The following KANK1 variants were observed in gnomAD, a reference collection of about 807,000 sequenced individuals.
KANK1 encodes KN motif and ankyrin repeat domains 1, also known as KN motif and ankyrin repeat domain-containing protein 1.
KANK1 carries 109 observed loss-of-function variants against 106.2 expected under a neutral mutation model. The observed-to-expected ratio is 1.03, with a 90% CI of 0.88 to 1.20. The LOEUF is 1.20. Ranked by LOEUF, KANK1 falls within the 50% of genes most tolerant of loss-of-function variation. The pLI, the probability that KANK1 is intolerant of heterozygous loss-of-function variation, is 0.00. For synonymous variants in KANK1, 873 were observed against 652.2 expected (o/e 1.34, Z -5.16); for missense variants, 2,399 against 1,710.7 (o/e 1.40, Z -7.10).
At chr9:608,027 TATTA>T (rs1829673136) in intron 1 of KANK1, among the ~76,000 whole-genome samples, 1 of 76,486 alleles carries the variant, frequency 1.3e-5, no homozygotes, top group African/African-American at 5.1e-5. Context: ...TTATTATTAT[TATTA>T]TTATTTTTTT....
intron 6 of KANK1, chr9:733,212 C>G (rs10815570): frequency 0.29 from 43,448 of 152,100 alleles, 7,018 homozygotes; most frequent in Non-Finnish European, 0.38. Flanking sequence ...TTTTCAAGAC[C>G]ATTAGATAAG....
At chr9:585,230 A>G (rs1823164915) in intron 1 of KANK1, among the ~76,000 whole-genome samples, 1 of 152,182 alleles carries the variant, frequency 6.6e-6, no homozygotes, top group Non-Finnish European at 1.5e-5. Context: ...TCTTCAGGTA[A>G]AACTCTAGCA....
At position 712,048 on chromosome 9, in the gene KANK1, G is replaced by A. The variant is rs779846063; in HGVS notation, c.1282G>A (p.Gly428Arg). 6.2e-5 allele frequency: 100 copies of A among 1,614,068 alleles called. No homozygotes were observed. In the East Asian group the frequency reaches 2.2e-3, roughly 35 times the overall value. Residue 428 changes from glycine to arginine, a missense_variant, in exon 3 of 12, where the codon GGG (glycine) becomes AGG (arginine). By Grantham distance (125) the Gly-to-Arg change is moderately radical. Transcript: ENST00000382297. Reference sequence around the variant, plus strand: ...CAGGTCCTGTAAGGATGCAGCTGTAGGGACACTTGTTGAGATGAGAAATTG... The same window carrying A: ...CAGGTCCTGTAAGGATGCAGCTGTAAGGACACTTGTTGAGATGAGAAATTG... ...GSRSCKDAAV[G>R]TLVEMRNCGV...
At chr9:584,987 G>C (rs1201365714) in intron 1 of KANK1, among the ~76,000 whole-genome samples, 1 of 152,114 alleles carries the variant, frequency 6.6e-6, no homozygotes, top group Non-Finnish European at 1.5e-5. Context: ...ACTGCCCTTA[G>C]GGGTCATGAG....
chr9:728,512 T>C (rs979756549), intron 3 of KANK1, among the ~76,000 whole-genome samples: 3 of 152,360 alleles, frequency 2.0e-5, no homozygotes, highest in Admixed American at 1.3e-4. Flanking sequence ...TCGATGTATA[T>C]TGAAATGGCC....
Position 625,044 on chromosome 9 carries a change from G to C in KANK1, c.-83-51846G>C, listed in dbSNP as rs557215093. On this transcript the variant is annotated intron_variant, in intron 1 of 11. Transcript: ENST00000382297. Reference sequence around the variant, plus strand: ...GAAATGGAAGATGAAATTGTGCCTTGTTCGATGCCCTGGGGTCTGAAAGGT... The same window carrying C: ...GAAATGGAAGATGAAATTGTGCCTTCTTCGATGCCCTGGGGTCTGAAAGGT... Among the ~76,000 whole-genome samples, 1,292 of 150,588 alleles carry C rather than the reference G, an allele frequency of 8.6e-3. 27 individuals are homozygous for C. Among genetic ancestry groups the C allele is most frequent in the African/African-American group, 0.03 (1,223 of 40,842 alleles).
At chr9:686,698 G>A (rs1479177151) in intron 2 of KANK1, 5 of 929,998 alleles carry the variant, frequency 5.4e-6, no homozygotes, top group African/African-American at 1.8e-5. Context: ...CAGTGTGAGG[G>A]GAAATGGCAG....
At chr9:599,619 AGCTGAC>A (rs1251966070) in intron 1 of KANK1, among the ~76,000 whole-genome samples, 1 of 151,902 alleles carries the variant, frequency 6.6e-6, no homozygotes, top group Admixed American at 6.5e-5. Flanking sequence ...TATGCTACGT[AGCTGAC>A]CCTTGAACAT....
intron 1 of KANK1, among the ~76,000 whole-genome samples, chr9:560,572 T>G (rs971826327): frequency 1.3e-5 from 2 of 152,216 alleles, no homozygotes; most frequent in Non-Finnish European, 2.9e-5. Flanking sequence ...CACATAAAGA[T>G]GCATTCACTT....
Position 568,820 on chromosome 9 carries a change from G to A in KANK1, c.-84+64066G>A, listed in dbSNP as rs537205821. ...TAAAAACATTATTTCCTTAGTATGTGTATGATTAGAAGCAAAATTACAGGT... is the reference window on the plus strand; with the variant it reads ...TAAAAACATTATTTCCTTAGTATGTATATGATTAGAAGCAAAATTACAGGT... On this transcript the variant is annotated intron_variant, in intron 1 of 11. Coordinates refer to ENST00000382297, the MANE Select transcript of KANK1 (RefSeq NM_015158.5). 2.0e-5 allele frequency among the ~76,000 whole-genome samples: 3 copies of A among 152,282 alleles called. No homozygotes were observed. In the South Asian group the frequency reaches 6.2e-4, roughly 32 times the overall value.
intron 1 of KANK1, among the ~76,000 whole-genome samples, chr9:581,661 CAGAA>C (rs1781093039): frequency 6.6e-6 from 1 of 152,164 alleles, no homozygotes; most frequent in Non-Finnish European, 1.5e-5. Context: ...TTTCAGGTAG[CAGAA>C]AGATTCACCT....
chr9:708,824 T>C (rs574358108), intron 2 of KANK1, among the ~76,000 whole-genome samples: 98 of 152,270 alleles, frequency 6.4e-4, no homozygotes, highest in African/African-American at 2.3e-3. Context: ...GTTCTTTCCA[T>C]AGCTCTAAAA....
intron 1 of KANK1, among the ~76,000 whole-genome samples, chr9:529,752 C>G (rs1286211703): frequency 1.3e-5 from 2 of 152,146 alleles, no homozygotes; most frequent in African/African-American, 4.8e-5. Context: ...CAAGGGGTAA[C>G]TTTGTACGTG....
chr9:605,742 G>A (rs998387914), intron 1 of KANK1, among the ~76,000 whole-genome samples: 6 of 151,798 alleles, frequency 4.0e-5, no homozygotes, highest in African/African-American at 1.2e-4. Context: ...GAAAGAAGGG[G>A]GATAGAGATG....
rs1021916069 is a variant in KANK1 at position 662,439 on chromosome 9, T to A, written c.-83-14451T>A. Among the ~76,000 whole-genome samples the A allele has an allele frequency of 3.9e-5, 6 of 152,204 alleles. 1 individual carries two copies. Among genetic ancestry groups the A allele is most frequent in the East Asian group, 3.9e-4 (2 of 5,160 alleles). ...TGACTTTAAACTATACTACAAGGCT[T>A]CGGTAACCAAAACAGCATGGTACTG... is the stretch of plus-strand genomic sequence containing the variant. On this transcript the variant is annotated intron_variant, in intron 1 of 11. Transcript: ENST00000382297.
chr9:600,941 G>C (rs1827592034), intron 1 of KANK1, among the ~76,000 whole-genome samples: 2 of 151,724 alleles, frequency 1.3e-5, no homozygotes, highest in African/African-American at 4.9e-5. Flanking sequence ...GGGTCACTGT[G>C]ATGTTCTGTC....
chr9:524,908 G>T (rs2059714562), intron 1 of KANK1, among the ~76,000 whole-genome samples: 1 of 150,608 alleles, frequency 6.6e-6, no homozygotes, highest in East Asian at 1.9e-4. Flanking sequence ...ATTTATACAG[G>T]TATTAACATG....
chr9:581,495 T>A, intron 1 of KANK1, among the ~76,000 whole-genome samples: 1 of 142,384 alleles, frequency 7.0e-6, no homozygotes, highest in Non-Finnish European at 1.5e-5. Flanking sequence ...ACTAAGAAAA[T>A]ACATAGGTTA....
intron 8 of KANK1, among the ~76,000 whole-genome samples, chr9:739,101 G>T (rs538000754): frequency 1.3e-5 from 2 of 152,148 alleles, no homozygotes; most frequent in African/African-American, 4.8e-5. Context: ...GTAGAAACTT[G>T]TTATCCCAGA....
Sources: allele counts gnomAD v4.1 joint callset (sites outside exome capture counted in the v4.1 genomes callset), GRCh38; gene constraint gnomAD v4.1.1; transcripts MANE v1.5; gene names NCBI Gene and HGNC (gene_info 2026-07-23, HGNC 2026-07-21).